The following SLC71A2 variants were observed in gnomAD, a reference collection of about 807,000 sequenced individuals.
The protein encoded by SLC71A2 is solute carrier family 71 member 2, also known as hippocampus abundant transcript-like 1.
the SLC71A2 span, chr9:94,460,325 C>CAGG: frequency 6.6e-6 from 1 of 152,618 alleles, no homozygotes; most frequent in African/African-American, 2.4e-5. Context: ...TTTGCTTCTT[C>CAGG]CCATGTCTTC....
chr9:94,395,341 AC>A, the SLC71A2 span, among the ~76,000 whole-genome samples: 3 of 152,086 alleles, frequency 2.0e-5, no homozygotes, highest in African/African-American at 7.2e-5. Flanking sequence ...TGATTTCTTA[AC>A]TTGCTCATAA....
the SLC71A2 span, among the ~76,000 whole-genome samples, chr9:94,378,565 T>C: frequency 8.6e-5 from 13 of 152,006 alleles, no homozygotes; most frequent in African/African-American, 3.1e-4. Flanking sequence ...GAGGCGCCAC[T>C]GCACTCCACC....
At chr9:94,380,191 T>C in the SLC71A2 span, among the ~76,000 whole-genome samples, 1 of 151,932 alleles carries the variant, frequency 6.6e-6, no homozygotes, top group East Asian at 1.9e-4. Context: ...GGCGTGAATC[T>C]GGGAGGTGGA....
At chr9:94,403,357 C>CA in the SLC71A2 span, among the ~76,000 whole-genome samples, 1 of 151,746 alleles carries the variant, frequency 6.6e-6, no homozygotes. Context: ...ACGCTGGTCT[C>CA]AAACTCCTGA....
At chr9:94,440,182 C>T in the SLC71A2 span, among the ~76,000 whole-genome samples, 1 of 150,702 alleles carries the variant, frequency 6.6e-6, no homozygotes, top group Non-Finnish European at 1.5e-5. Flanking sequence ...GAGACGGAGT[C>T]TCTCTCTGTC....
chr9:94,455,483 A>C, the SLC71A2 span, among the ~76,000 whole-genome samples: 1 of 145,088 alleles, frequency 6.9e-6, no homozygotes, highest in Non-Finnish European at 1.5e-5. Flanking sequence ...CCAAAGTGCT[A>C]GGATTACAGT....
chr9:94,411,321 G>A, the SLC71A2 span, among the ~76,000 whole-genome samples: 5 of 147,130 alleles, frequency 3.4e-5, no homozygotes, highest in Admixed American at 3.5e-4. Flanking sequence ...TTGAATCCAG[G>A]TTTTTTGTTT....
chr9:94,421,544 C>G, the SLC71A2 span, among the ~76,000 whole-genome samples: 4 of 152,122 alleles, frequency 2.6e-5, no homozygotes, highest in Non-Finnish European at 5.9e-5. Context: ...ATAGTGTGTT[C>G]TTACATAACC....
the SLC71A2 span, among the ~76,000 whole-genome samples, chr9:94,443,666 A>T: frequency 2.0e-5 from 3 of 152,212 alleles, no homozygotes; most frequent in Admixed American, 6.5e-5. Flanking sequence ...TTAGGCTTTA[A>T]GATAGACACA....
the SLC71A2 span, among the ~76,000 whole-genome samples, chr9:94,396,084 T>A: frequency 2.0e-5 from 3 of 151,884 alleles, no homozygotes; most frequent in African/African-American, 7.3e-5. Context: ...TATAGGGATA[T>A]GGCAGTGAAG....
At chr9:94,415,197 A>G in the SLC71A2 span, 14 of 1,613,750 alleles carry the variant, frequency 8.7e-6, no homozygotes, top group African/African-American at 1.3e-4. Context: ...CCATGCTGCT[A>G]TTGTCATCTT....
chr9:94,452,669 ATATATATTCATATATTCATATATATTC>A, the SLC71A2 span, among the ~76,000 whole-genome samples: 1 of 52,936 alleles, frequency 1.9e-5, no homozygotes, highest in East Asian at 5.3e-4. Flanking sequence ...ATATATATTC[ATATATATTCATATATTCATATATATTC>A]ATATATTCAT....
the SLC71A2 span, among the ~76,000 whole-genome samples, chr9:94,384,018 A>C: frequency 4.6e-5 from 7 of 152,238 alleles, no homozygotes; most frequent in South Asian, 6.2e-4. Context: ...ACACATAGCA[A>C]AGAAGTTACC....
chr9:94,448,959 T>G, the SLC71A2 span, among the ~76,000 whole-genome samples: 1 of 152,202 alleles, frequency 6.6e-6, no homozygotes, highest in African/African-American at 2.4e-5. Context: ...CTTTTGTTCA[T>G]TTTTGGTGGT....
chr9:94,400,353 T>A, the SLC71A2 span, among the ~76,000 whole-genome samples: 1 of 151,962 alleles, frequency 6.6e-6, no homozygotes, highest in African/African-American at 2.4e-5. Context: ...GTCCGTTGCC[T>A]GAGGAAAGAA....
the SLC71A2 span, among the ~76,000 whole-genome samples, chr9:94,408,981 C>T: frequency 6.6e-6 from 1 of 151,582 alleles, no homozygotes; most frequent in East Asian, 1.9e-4. Flanking sequence ...CATCCGCCAC[C>T]ACGCCTGGCT....
chr9:94,427,074 C>G, the SLC71A2 span, among the ~76,000 whole-genome samples: 1 of 152,068 alleles, frequency 6.6e-6, no homozygotes, highest in Non-Finnish European at 1.5e-5. Context: ...TTTAATACAC[C>G]TTTTATTATT....
chr9:94,414,533 T>C, the SLC71A2 span, among the ~76,000 whole-genome samples: 2 of 152,310 alleles, frequency 1.3e-5, no homozygotes, highest in African/African-American at 2.4e-5. Context: ...AGAAGTTAAG[T>C]TGCTAAGGAA....
chr9:94,443,626 TAAA>T, the SLC71A2 span, among the ~76,000 whole-genome samples: 1 of 152,164 alleles, frequency 6.6e-6, no homozygotes, highest in African/African-American at 2.4e-5. Flanking sequence ...GGAGTTTAGA[TAAA>T]AACACAGACT....
Sources: allele counts gnomAD v4.1 joint callset (sites outside exome capture counted in the v4.1 genomes callset), GRCh38; gene constraint gnomAD v4.1.1; transcripts MANE v1.5; gene names NCBI Gene and HGNC (gene_info 2026-07-23, HGNC 2026-07-21).